The following HS6ST3 variants were observed in gnomAD, a reference collection of about 807,000 sequenced individuals.
HS6ST3 encodes heparan-sulfate 6-O-sulfotransferase 3.
HS6ST3 carries 12 observed loss-of-function variants against 36.7 expected under a neutral mutation model. The ratio of observed to expected loss-of-function variants is 0.33; its 90% CI spans 0.21 to 0.53. HS6ST3 has a LOEUF of 0.53. HS6ST3 is among the 20% of genes least tolerant of loss of function. HS6ST3 has a pLI of 0.95. For missense variants in HS6ST3, 584 were observed against 640.9 expected (o/e 0.91, Z 0.96); for synonymous variants, 240 against 257.5 (o/e 0.93, Z 0.65).
chr13:96,521,434 C>A (rs148630774), intron 1 of HS6ST3, among the ~76,000 whole-genome samples: 8 of 152,264 alleles, frequency 5.3e-5, no homozygotes, highest in African/African-American at 1.9e-4. Flanking sequence ...GGTACCAGCT[C>A]CTCTTTGTAC....
intron 1 of HS6ST3, among the ~76,000 whole-genome samples, chr13:96,414,827 G>C (rs1223507134): frequency 6.6e-6 from 1 of 152,090 alleles, no homozygotes; most frequent in Non-Finnish European, 1.5e-5. Context: ...GTGACATCTT[G>C]CTGAATAAAT....
chr13:96,105,902 C>T (rs1474957983), intron 1 of HS6ST3, among the ~76,000 whole-genome samples: 1 of 152,078 alleles, frequency 6.6e-6, no homozygotes, highest in Non-Finnish European at 1.5e-5. Flanking sequence ...GAAATATTTA[C>T]ATCACAACAT....
chr13:96,643,578 A>G (rs1261291682), intron 1 of HS6ST3, among the ~76,000 whole-genome samples: 2 of 151,878 alleles, frequency 1.3e-5, no homozygotes, highest in East Asian at 1.9e-4. Flanking sequence ...GTGTGTGCAC[A>G]AAAAGGCTTT....
chr13:96,367,146 A>G (rs987649582), intron 1 of HS6ST3, among the ~76,000 whole-genome samples: 9 of 152,172 alleles, frequency 5.9e-5, no homozygotes, highest in Non-Finnish European at 8.8e-5. Flanking sequence ...TATGATTTGC[A>G]TTTTTCTCTT....
intron 1 of HS6ST3, among the ~76,000 whole-genome samples, chr13:96,094,872 G>A (rs2053782303): frequency 1.3e-5 from 2 of 152,030 alleles, no homozygotes; most frequent in Non-Finnish European, 2.9e-5. Flanking sequence ...TTTTTGTGTT[G>A]CTTTTCCCCC....
Position 96,389,601 on chromosome 13 carries a change from C to T in HS6ST3, c.707+298032C>T, listed in dbSNP as rs12584988. Among the ~76,000 whole-genome samples the T allele has an allele frequency of 1.1e-4, 17 of 152,116 alleles. No individual in the cohort carries two copies. The East Asian group carries it at 2.7e-3, about 24-fold the overall frequency. ...TCTAGAAAGATAAGTAGGGAATTTC[C>T]GTCTCCCTAAATCTCATCTCCTCTA... On this transcript the variant is annotated intron_variant, in intron 1 of 1. Transcript: ENST00000376705.
intron 1 of HS6ST3, among the ~76,000 whole-genome samples, chr13:96,372,118 C>T (rs1594765461): frequency 6.6e-6 from 1 of 152,126 alleles, no homozygotes; most frequent in African/African-American, 2.4e-5. Context: ...ATAAGGGTTA[C>T]CTTTTCTCCA....
At chr13:96,788,629 G>C (rs1481211795) in intron 1 of HS6ST3, among the ~76,000 whole-genome samples, 2 of 151,788 alleles carry the variant, frequency 1.3e-5, no homozygotes, top group Non-Finnish European at 2.9e-5. Flanking sequence ...GTAAATGAGG[G>C]GAACATATTG....
chr13:96,413,119 T>C (rs374718763), intron 1 of HS6ST3, among the ~76,000 whole-genome samples: 99 of 152,200 alleles, frequency 6.5e-4, no homozygotes, highest in Middle Eastern at 3.2e-3. Flanking sequence ...ACATTCTTAC[T>C]TGAATTGCCT....
chr13:96,368,477 T>TAGCCAGCAA (rs1245171448), intron 1 of HS6ST3, among the ~76,000 whole-genome samples: 1 of 151,568 alleles, frequency 6.6e-6, no homozygotes, highest in Non-Finnish European at 1.5e-5. Flanking sequence ...ATCCAGACTC[T>TAGCCAGCAA]AGCCAGCAAG....
At chr13:96,176,282 G>A (rs537673892) in intron 1 of HS6ST3, among the ~76,000 whole-genome samples, 2 of 152,238 alleles carry the variant, frequency 1.3e-5, no homozygotes, top group East Asian at 3.9e-4. Flanking sequence ...TAAAGGAAAA[G>A]AACTGAGGTG....
intron 1 of HS6ST3, among the ~76,000 whole-genome samples, chr13:96,654,222 A>G (rs569188201): frequency 1.6e-3 from 236 of 152,106 alleles, no homozygotes; most frequent in African/African-American, 5.3e-3. Context: ...ATTAGATCCC[A>G]TTTGTCAATT....
chr13:96,614,056 TG>T (rs1402439371), intron 1 of HS6ST3, among the ~76,000 whole-genome samples: 3 of 151,876 alleles, frequency 2.0e-5, no homozygotes, highest in African/African-American at 7.3e-5. Flanking sequence ...TCCAGCACTT[TG>T]GGAGGCCGAG....
Position 96,335,563 on chromosome 13 carries a change from T to G in HS6ST3, c.707+243994T>G, listed in dbSNP as rs139563400. On this transcript the variant is annotated intron_variant, in intron 1 of 1. Coordinates refer to ENST00000376705, the MANE Select transcript of HS6ST3 (RefSeq NM_153456.4). ...TCTACTTACTGCATACACCAATGTC[T>G]TTTAGCTATAGCTGGGGTGAATGTT... Among the ~76,000 whole-genome samples the G allele has an allele frequency of 9.2e-5, 14 of 152,336 alleles. No individual in the cohort carries two copies. In the East Asian group the frequency reaches 2.1e-3, roughly 23 times the overall value.
At chr13:96,445,630 G>A (rs1451169128) in intron 1 of HS6ST3, among the ~76,000 whole-genome samples, 2 of 151,968 alleles carry the variant, frequency 1.3e-5, no homozygotes, top group Admixed American at 6.6e-5. Flanking sequence ...ACTTTGGGAG[G>A]CGAAGGCAAG....
chr13:96,203,982 A>G (rs1265009945), intron 1 of HS6ST3, among the ~76,000 whole-genome samples: 2 of 152,206 alleles, frequency 1.3e-5, no homozygotes, highest in Admixed American at 6.5e-5. Context: ...AAAGGAAGCA[A>G]GCTAGCTATT....
At chr13:96,749,425 G>A (rs533425759) in intron 1 of HS6ST3, among the ~76,000 whole-genome samples, 1 of 152,208 alleles carries the variant, frequency 6.6e-6, no homozygotes, top group Admixed American at 6.5e-5. Context: ...CAGTAAACAT[G>A]TAGATTAATT....
intron 1 of HS6ST3, among the ~76,000 whole-genome samples, chr13:96,815,992 A>T (rs1878414575): frequency 6.6e-6 from 1 of 152,108 alleles, no homozygotes; most frequent in Non-Finnish European, 1.5e-5. Context: ...CTGAATGGGA[A>T]TTGAGCAGAA....
chr13:96,658,268 C>CTTCTTTT (rs1566422902), intron 1 of HS6ST3, among the ~76,000 whole-genome samples: 2 of 76,172 alleles, frequency 2.6e-5, no homozygotes, highest in East Asian at 5.1e-4. Flanking sequence ...TCTTCTTCTT[C>CTTCTTTT]TTTTTTTTTT....
Sources: gnomAD v4.1 joint callset for allele counts (sites outside exome capture counted in the v4.1 genomes callset) on GRCh38, gnomAD v4.1.1 for gene constraint, MANE v1.5 for transcripts, NCBI Gene and HGNC (gene_info 2026-07-23, HGNC 2026-07-21) for gene names.